The following PPP2R5E variants were observed in gnomAD, a reference collection of about 807,000 sequenced individuals.
PPP2R5E encodes the protein protein phosphatase 2 regulatory subunit B'epsilon, also known as serine/threonine-protein phosphatase 2A 56 kDa regulatory subunit epsilon isoform.
Under a neutral mutation model 65.3 loss-of-function variants are expected in PPP2R5E, and 4 were observed. The ratio of observed to expected loss-of-function variants is 0.06; its 90% CI spans 0.03 to 0.14. The LOEUF (loss-of-function observed/expected upper bound fraction) is 0.14. Ranked by LOEUF, PPP2R5E falls within the 10% of genes least tolerant of loss-of-function variation. The pLI is 1.00. For missense variants in PPP2R5E, 274 were observed against 556.1 expected, an observed-to-expected ratio of 0.49 and a Z score of 5.10; for synonymous variants, 183 against 187.4, an observed-to-expected ratio of 0.98 and a Z score of 0.19.
At chr14:63,526,707 C>T (rs1893198935) in intron 2 of PPP2R5E, among the ~76,000 whole-genome samples, 1 of 152,184 alleles carries the variant, frequency 6.6e-6, no homozygotes, top group African/African-American at 2.4e-5. Context: ...CAGGAGCATG[C>T]CTCCACACCT....
At chr14:63,536,309 G>A (rs1248318942) in intron 2 of PPP2R5E, among the ~76,000 whole-genome samples, 4 of 152,130 alleles carry the variant, frequency 2.6e-5, no homozygotes, top group Non-Finnish European at 4.4e-5. Flanking sequence ...TTAGGGCAAT[G>A]CAAATAAAAA....
In PPP2R5E at chr14:63,371,429, G is replaced by A. The variant is rs1191787261; in HGVS notation, c.*4580C>T. ...AGAACCTCTCACACATCTGTGAAAG[G>A]GGAAGGTTACATTTCTTTTTGGGGA... On this transcript the variant is annotated 3_prime_UTR_variant, in exon 14 of 14. Coordinates refer to ENST00000337537, the MANE Select transcript of PPP2R5E (RefSeq NM_006246.5). 2.6e-5 allele frequency: 4 copies of A among 152,134 alleles called. No homozygotes were observed. Among genetic ancestry groups the A allele is most frequent in the Non-Finnish European group, 5.9e-5 (4 of 68,022 alleles). 9.4% of individuals were successfully genotyped at this position (152,134 alleles called of 1,614,324 possible).
intron 8 of PPP2R5E, 137 bp downstream of exon 8, chr14:63,393,683 G>C: frequency 1.7e-6 from 1 of 586,598 alleles, no homozygotes; most frequent in Non-Finnish European, 3.0e-6. Flanking sequence ...CTGCACTCCA[G>C]CCTGGGCGGC....
intron 5 of PPP2R5E, among the ~76,000 whole-genome samples, chr14:63,403,028 G>A (rs893643749): frequency 5.9e-5 from 9 of 152,146 alleles, no homozygotes; most frequent in African/African-American, 9.6e-5. Flanking sequence ...CATTCACCTG[G>A]TGCAGGCCTT....
chr14:63,407,536 C>T (rs971700821), intron 5 of PPP2R5E, among the ~76,000 whole-genome samples: 3 of 141,932 alleles, frequency 2.1e-5, no homozygotes, highest in African/African-American at 9.0e-5. Flanking sequence ...TTATTGATTA[C>T]AACATATATG....
intron 3 of PPP2R5E, among the ~76,000 whole-genome samples, chr14:63,432,451 A>G (rs1338837097): frequency 6.6e-6 from 1 of 152,240 alleles, no homozygotes; most frequent in African/African-American, 2.4e-5. Flanking sequence ...GAATCTGTCC[A>G]TGAGATATCA....
intron 5 of PPP2R5E, among the ~76,000 whole-genome samples, chr14:63,409,697 T>G (rs1003064039): frequency 7.9e-5 from 12 of 152,160 alleles, no homozygotes; most frequent in Non-Finnish European, 1.8e-4. Context: ...CAGTCACCTG[T>G]TTAAGATTGA....
chr14:63,429,369 A>G (rs777971228), intron 3 of PPP2R5E, among the ~76,000 whole-genome samples: 4 of 152,246 alleles, frequency 2.6e-5, no homozygotes, highest in Non-Finnish European at 5.9e-5. Context: ...GTGAATTTTA[A>G]GATTACATCT....
At chr14:63,430,346 T>TATACATACATACATACATACATAC (rs36182172) in intron 3 of PPP2R5E, among the ~76,000 whole-genome samples, 10 of 135,146 alleles carry the variant, frequency 7.4e-5, no homozygotes, top group African/African-American at 3.2e-4. Flanking sequence ...AAAACCCATG[T>TATACATACATACATACATACATAC]ATACATACAT....
intron 2 of PPP2R5E, among the ~76,000 whole-genome samples, chr14:63,519,373 CAG>C (rs1190564534): frequency 2.6e-5 from 4 of 151,472 alleles, no homozygotes; most frequent in Admixed American, 1.3e-4. Flanking sequence ...TCTCTTGAGA[CAG>C]AGTCTTGTTC....
At position 63,491,397 on chromosome 14, in the gene PPP2R5E, C is replaced by T. The variant is rs186081436; in HGVS notation, c.158-37512G>A. Among the ~76,000 whole-genome samples, 20 of 151,970 alleles carry T rather than the reference C, an allele frequency of 1.3e-4. No homozygotes were observed. In the East Asian group the frequency reaches 3.5e-3, roughly 26 times the overall value. On this transcript the variant is annotated intron_variant, in intron 2 of 13. Coordinates refer to ENST00000337537, the MANE Select transcript of PPP2R5E (RefSeq NM_006246.5). ...TAATTTTAAAAAAAAAGCAGTATGA[C>T]CAGTCCTTATTGAGATATGCTGTAA...
chr14:63,521,280 T>A (rs1594966942), intron 2 of PPP2R5E, among the ~76,000 whole-genome samples: 1 of 152,248 alleles, frequency 6.6e-6, no homozygotes, highest in South Asian at 2.1e-4. Context: ...ACATAAGTTT[T>A]AGAACTTCAT....
chr14:63,399,737 G>GT (rs1386616094), intron 5 of PPP2R5E, among the ~76,000 whole-genome samples: 6 of 151,772 alleles, frequency 4.0e-5, no homozygotes, highest in Admixed American at 1.3e-4. Context: ...TTACTGAGTT[G>GT]TTTTTTTTAA....
In PPP2R5E at chr14:63,480,450, T is replaced by C. The variant is rs1291934220; in HGVS notation, c.158-26565A>G. The stretch of plus-strand genomic sequence containing the variant: ...CAGTCTAGGCAACAGAGCGAGACCC[T>C]GTCTCAAAAAAAACAGTTGGGGTCT... On this transcript the variant is annotated intron_variant, in intron 2 of 13. Transcript: ENST00000337537. Among the ~76,000 whole-genome samples, 5 of 152,088 alleles carry C rather than the reference T, an allele frequency of 3.3e-5. No homozygotes were observed. In the South Asian group the frequency reaches 1.0e-3, roughly 31 times the overall value.
intron 2 of PPP2R5E, among the ~76,000 whole-genome samples, chr14:63,471,211 T>C (rs1890111968): frequency 6.6e-6 from 1 of 152,226 alleles, no homozygotes; most frequent in Non-Finnish European, 1.5e-5. Context: ...TATGTATAGA[T>C]TGTTCATAGA....
chr14:63,492,058 A>G (rs1281089622), intron 2 of PPP2R5E, among the ~76,000 whole-genome samples: 3 of 152,082 alleles, frequency 2.0e-5, no homozygotes, highest in African/African-American at 7.2e-5. Flanking sequence ...GCCCTGGAAG[A>G]GCCCAGAAAC....
chr14:63,434,259 C>A (rs942248497), intron 3 of PPP2R5E, among the ~76,000 whole-genome samples: 5 of 151,982 alleles, frequency 3.3e-5, no homozygotes, highest in Non-Finnish European at 7.4e-5. Context: ...AACAAACAAA[C>A]AAAAAATGGC....
intron 3 of PPP2R5E, among the ~76,000 whole-genome samples, chr14:63,438,989 CAAA>C (rs952866411): frequency 7.5e-6 from 1 of 133,510 alleles, no homozygotes; most frequent in African/African-American, 2.8e-5. Context: ...GCAGTTCTCC[CAAA>C]AAAAAAAGGT....
intron 2 of PPP2R5E, among the ~76,000 whole-genome samples, chr14:63,529,955 C>A (rs767318763): frequency 1.4e-4 from 21 of 152,102 alleles, no homozygotes; most frequent in African/African-American, 1.9e-4. Flanking sequence ...TATGTGCACA[C>A]AGAGCAGCTA....
Sources: gnomAD v4.1 joint callset for allele counts (sites outside exome capture counted in the v4.1 genomes callset) on GRCh38, gnomAD v4.1.1 for gene constraint, MANE v1.5 for transcripts, NCBI Gene and HGNC (gene_info 2026-07-23, HGNC 2026-07-21) for gene names.